The following SV2C variants were observed in gnomAD, a reference collection of about 807,000 sequenced individuals.
SV2C encodes solute carrier family 22 member B3.
A neutral mutation model predicts 79.7 loss-of-function variants in SV2C; 49 were observed. The ratio of observed to expected loss-of-function variants is 0.61; its 90% CI spans 0.49 to 0.78. The LOEUF is 0.78. SV2C is among the 30% of genes least tolerant of loss of function. The probability of loss-of-function intolerance (pLI) is 0.00; values close to 1 mark genes in which losing one functional copy is unlikely to be tolerated. For synonymous variants in SV2C, 334 were observed against 333.2 expected (o/e 1.00, Z -0.03); for missense variants, 833 against 912.9 (o/e 0.91, Z 1.13).
intron 2 of SV2C, among the ~76,000 whole-genome samples, chr5:76,186,170 G>T (rs1165991256): frequency 6.6e-6 from 1 of 152,060 alleles, no homozygotes; most frequent in Non-Finnish European, 1.5e-5. Flanking sequence ...CAGCATTTTG[G>T]TCAAAGCCAT....
intron 4 of SV2C, among the ~76,000 whole-genome samples, chr5:76,258,542 G>C (rs1746366032): frequency 6.6e-6 from 1 of 152,166 alleles, no homozygotes; most frequent in East Asian, 1.9e-4. Flanking sequence ...AGTTGAAATA[G>C]TGCGAAATCC....
chr5:76,080,331 T>C (rs1203729856), upstream of SV2C, among the ~76,000 whole-genome samples: 1 of 152,222 alleles, frequency 6.6e-6, no homozygotes, highest in East Asian at 1.9e-4. Flanking sequence ...TATAGACTCC[T>C]GATGATAGTG....
At chr5:76,066,370 T>A in the SV2C span, among the ~76,000 whole-genome samples, 3 of 145,734 alleles carry the variant, frequency 2.1e-5, no homozygotes, top group Non-Finnish European at 4.5e-5. Context: ...ACACTGCATG[T>A]TCTCACTCAT....
chr5:75,864,340 CCATCCATCCATCCATT>C, the SV2C span, among the ~76,000 whole-genome samples: 2 of 151,976 alleles, frequency 1.3e-5, no homozygotes, highest in Non-Finnish European at 2.9e-5. Context: ...ATCCATCCAT[CCATCCATCCATCCATT>C]CATTTAATTA....
the SV2C span, among the ~76,000 whole-genome samples, chr5:75,875,092 T>C: frequency 1.3e-5 from 2 of 152,118 alleles, no homozygotes; most frequent in Non-Finnish European, 2.9e-5. Flanking sequence ...TTAAAATTCA[T>C]ATGGAACCAA....
the SV2C span, among the ~76,000 whole-genome samples, chr5:75,922,744 C>T: frequency 2.6e-5 from 4 of 152,216 alleles, no homozygotes; most frequent in Non-Finnish European, 5.9e-5. Context: ...CACTTCAGCT[C>T]TGTCTTCTCT....
At chr5:75,908,065 G>A in the SV2C span, among the ~76,000 whole-genome samples, 4 of 152,198 alleles carry the variant, frequency 2.6e-5, no homozygotes, top group Non-Finnish European at 5.9e-5. Context: ...AAAAAAAATT[G>A]CAAGTTTCCC....
intron 1 of SV2C, among the ~76,000 whole-genome samples, chr5:76,109,830 A>T (rs80002691): frequency 0.051 from 7,830 of 152,208 alleles, 674 homozygotes; most frequent in African/African-American, 0.18. Flanking sequence ...AGCCTCCAGG[A>T]TAGGTGAGAC....
chr5:75,882,597 A>G, the SV2C span, among the ~76,000 whole-genome samples: 3 of 152,162 alleles, frequency 2.0e-5, no homozygotes, highest in South Asian at 2.1e-4. Context: ...ATAACACCGC[A>G]TATCTACAAC....
chr5:75,874,598 A>G, the SV2C span, among the ~76,000 whole-genome samples: 1 of 152,188 alleles, frequency 6.6e-6, no homozygotes. Context: ...TCCAAATAGG[A>G]AGAGAGGAAG....
the SV2C span, among the ~76,000 whole-genome samples, chr5:76,050,004 G>T: frequency 6.6e-6 from 1 of 152,138 alleles, no homozygotes; most frequent in Admixed American, 6.6e-5. Flanking sequence ...GTGTAATTTT[G>T]AGCAATTTAT....
chr5:76,295,270 G>A (rs1006910498), intron 8 of SV2C, among the ~76,000 whole-genome samples: 1 of 152,168 alleles, frequency 6.6e-6, no homozygotes, highest in Non-Finnish European at 1.5e-5. Flanking sequence ...CTCCAGAGGG[G>A]ACAAATACTG....
chr5:76,066,169 T>C, the SV2C span, among the ~76,000 whole-genome samples: 1 of 151,944 alleles, frequency 6.6e-6, no homozygotes, highest in African/African-American at 2.4e-5. Flanking sequence ...TGCGGCACTA[T>C]TCACAATAGC....
At chr5:75,998,810 T>C in the SV2C span, among the ~76,000 whole-genome samples, 69,812 of 151,560 alleles carry the variant, frequency 0.46, 16,854 homozygotes, top group Middle Eastern at 0.62. Context: ...CTCATTCTCT[T>C]TGTCTTTCCT....
At chr5:76,062,583 A>T in the SV2C span, among the ~76,000 whole-genome samples, 1 of 151,778 alleles carries the variant, frequency 6.6e-6, no homozygotes, top group Non-Finnish European at 1.5e-5. Flanking sequence ...ACTAAGACAG[A>T]TGTTTACATG....
At chr5:75,861,598 T>C in the SV2C span, among the ~76,000 whole-genome samples, 1 of 151,454 alleles carries the variant, frequency 6.6e-6, no homozygotes, top group African/African-American at 2.4e-5. Flanking sequence ...GTGGACTGGA[T>C]AAAAAAAACA....
At chr5:76,066,905 G>A in the SV2C span, among the ~76,000 whole-genome samples, 5 of 152,026 alleles carry the variant, frequency 3.3e-5, no homozygotes, top group Non-Finnish European at 5.9e-5. Flanking sequence ...ACAGCTATGT[G>A]TGTTTATTTT....
At chr5:75,928,790 C>T in the SV2C span, among the ~76,000 whole-genome samples, 1 of 152,166 alleles carries the variant, frequency 6.6e-6, no homozygotes, top group South Asian at 2.1e-4. Flanking sequence ...CCAGTCTCCT[C>T]TCTCCATCTT....
At chr5:76,173,947 T>C (rs997196640) in intron 2 of SV2C, 1 of 1,570,254 alleles carries the variant, frequency 6.4e-7, no homozygotes, top group Non-Finnish European at 8.8e-7. Context: ...AATAAACTAA[T>C]GCAAACCCTT....
Sources: gnomAD v4.1 joint callset for allele counts (sites outside exome capture counted in the v4.1 genomes callset) on GRCh38, gnomAD v4.1.1 for gene constraint, MANE v1.5 for transcripts, NCBI Gene and HGNC (gene_info 2026-07-23, HGNC 2026-07-21) for gene names.